ITGA9: variants seen among roughly 807,000 people sequenced by gnomAD.
The protein encoded by ITGA9 is integrin alpha-9.
A neutral mutation model predicts 127.8 loss-of-function variants in ITGA9; 56 were observed. The observed-to-expected ratio is 0.44, with a 90% CI of 0.35 to 0.55. ITGA9 has a LOEUF of 0.55. Ranked by LOEUF, ITGA9 falls within the 20% of genes least tolerant of loss-of-function variation. ITGA9 has a pLI of 0.00. For synonymous variants in ITGA9, 508 were observed against 514.5 expected, an observed-to-expected ratio of 0.99 and a Z score of 0.17; for missense variants, 1,196 against 1,347.1, an observed-to-expected ratio of 0.89 and a Z score of 1.76.
chr3:37,653,687 A>G (rs773280672), intron 16 of ITGA9, 27 bp from the exon 17 acceptor site: 1 of 1,569,406 alleles, frequency 6.4e-7, no homozygotes, highest in African/African-American at 1.4e-5. Flanking sequence ...ATCCTGCCCT[A>G]ACCTTCCTCT....
chr3:37,513,682 C>T (rs1455244031), intron 8 of ITGA9, 81 bp from the exon 9 acceptor site: 37 of 1,540,234 alleles, frequency 2.4e-5, no homozygotes, highest in Non-Finnish European at 3.3e-5. Flanking sequence ...GTTTCTAAAG[C>T]CAATGGGGTG....
At chr3:37,512,972 C>T (rs1698948097) in intron 8 of ITGA9, among the ~76,000 whole-genome samples, 1 of 152,146 alleles carries the variant, frequency 6.6e-6, no homozygotes, top group East Asian at 1.9e-4. Flanking sequence ...TGCTCTGTTC[C>T]CTCATCAGTT....
intron 26 of ITGA9, among the ~76,000 whole-genome samples, chr3:37,797,285 G>A (rs1174273022): frequency 6.6e-6 from 1 of 152,090 alleles, no homozygotes; most frequent in Non-Finnish European, 1.5e-5. Flanking sequence ...TATAGTATAG[G>A]TTGAGGCTAT....
intron 18 of ITGA9, among the ~76,000 whole-genome samples, chr3:37,711,774 G>A (rs186196402): frequency 6.6e-6 from 1 of 152,274 alleles, no homozygotes; most frequent in Non-Finnish European, 1.5e-5. Flanking sequence ...TGTACTTAGG[G>A]TCAATGTTCT....
intron 15 of ITGA9, among the ~76,000 whole-genome samples, chr3:37,549,538 T>TG (rs1158903002): frequency 2.6e-5 from 4 of 152,252 alleles, no homozygotes; most frequent in Admixed American, 6.5e-5. Context: ...TCATTTACAC[T>TG]GGGTTCATCT....
chr3:37,585,801 C>CCT lies in ITGA9; in HGVS notation c.1689+43217_1689+43218insTC, dbSNP rs755263272. ...TCTTAAGCAGGAAGAAGGGGGCCCC[C>CCT]CCAATTTTAATTTACTGAATGAGTT... is the stretch of plus-strand genomic sequence containing the variant. On this transcript the variant is annotated intron_variant, in intron 15 of 27. Transcript: ENST00000264741. Among the ~76,000 whole-genome samples, 40 of 151,956 alleles carry CCT rather than the reference C, an allele frequency of 2.6e-4. No homozygotes were observed. The East Asian group carries it at 3.1e-3, about 12-fold the overall frequency.
chr3:37,497,363 T>C (rs936991167), intron 5 of ITGA9, among the ~76,000 whole-genome samples: 2 of 151,684 alleles, frequency 1.3e-5, no homozygotes, highest in African/African-American at 4.8e-5. Flanking sequence ...TCTAAACTTA[T>C]CTCTTAAGAA....
intron 5 of ITGA9, among the ~76,000 whole-genome samples, chr3:37,497,845 G>A (rs1474758083): frequency 2.0e-5 from 3 of 152,224 alleles, no homozygotes; most frequent in Admixed American, 6.5e-5. Context: ...ACTGGCAGAT[G>A]GCAGTGTTGA....
chr3:37,592,779 T>C (rs1699833297), intron 15 of ITGA9, among the ~76,000 whole-genome samples: 1 of 152,116 alleles, frequency 6.6e-6, no homozygotes, highest in African/African-American at 2.4e-5. Context: ...AACAGGAAGA[T>C]GGACGATGCT....
At chr3:37,554,225 G>T (rs1205606042) in intron 15 of ITGA9, among the ~76,000 whole-genome samples, 2 of 152,124 alleles carry the variant, frequency 1.3e-5, no homozygotes, top group African/African-American at 4.8e-5. Context: ...GCAGGCATGG[G>T]GTTATGGGGG....
At chr3:37,484,266 T>A (rs1474292362) in intron 4 of ITGA9, among the ~76,000 whole-genome samples, 1 of 152,058 alleles carries the variant, frequency 6.6e-6, no homozygotes, top group Non-Finnish European at 1.5e-5. Context: ...AAATTGAAAG[T>A]TTCTGTAGTT....
chr3:37,785,398 A>G (rs1697027822), intron 26 of ITGA9, among the ~76,000 whole-genome samples: 1 of 152,160 alleles, frequency 6.6e-6, no homozygotes, highest in African/African-American at 2.4e-5. Context: ...GACTATTTAT[A>G]TCTTTCTTAG....
intron 23 of ITGA9, among the ~76,000 whole-genome samples, chr3:37,764,604 C>T (rs1273361359): frequency 6.6e-6 from 1 of 152,192 alleles, no homozygotes; most frequent in Non-Finnish European, 1.5e-5. Flanking sequence ...TGTCTTCCAG[C>T]CTCCCTGGAC....
chr3:37,604,360 G>A (rs1342110182), intron 15 of ITGA9, among the ~76,000 whole-genome samples: 2 of 152,200 alleles, frequency 1.3e-5, no homozygotes, highest in African/African-American at 4.8e-5. Flanking sequence ...AATACTTTGT[G>A]TTAAACTCAA....
chr3:37,794,504 T>A (rs916075836), intron 26 of ITGA9, among the ~76,000 whole-genome samples: 1 of 152,178 alleles, frequency 6.6e-6, no homozygotes, highest in African/African-American at 2.4e-5. Context: ...ACTCTTCCCA[T>A]TGTGTCCTGG....
At chr3:37,736,660 G>A (rs546030498) in intron 19 of ITGA9, among the ~76,000 whole-genome samples, 3 of 152,300 alleles carry the variant, frequency 2.0e-5, no homozygotes, top group South Asian at 2.1e-4. Flanking sequence ...GAGTGTAAAC[G>A]CATCACTTCC....
chr3:37,732,793 T>A lies in ITGA9; in HGVS notation c.2149T>A (p.Ser717Thr), dbSNP rs145449301. 22 of 1,609,052 alleles carry A rather than the reference T, an allele frequency of 1.4e-5. No homozygotes were observed. In the African/African-American group the frequency reaches 2.7e-4, roughly 20 times the overall value. Residue 717 changes from serine (S) to threonine (T), a missense_variant, in exon 19 of 28, where the codon TCA becomes ACA. By Grantham distance (58) the Ser-to-Thr change is moderately conservative. Transcript: ENST00000264741. Reference sequence around the variant, plus strand: ...GGGATTTCCTTTCATGAGGTCAAAGTCAAAGGTAAGGGACACAGACGGGAC... The same window carrying A: ...GGGATTTCCTTTCATGAGGTCAAAGACAAAGGTAAGGGACACAGACGGGAC... ...SVGFPFMRSK[S>T]KYEFSVIFDT...
intron 18 of ITGA9, among the ~76,000 whole-genome samples, chr3:37,702,795 G>C (rs1700961997): frequency 6.6e-6 from 1 of 151,876 alleles, no homozygotes; most frequent in African/African-American, 2.4e-5. Flanking sequence ...GTGCCTCCTT[G>C]CCCGGGCATC....
At chr3:37,611,679 T>C (rs1700017792) in intron 15 of ITGA9, among the ~76,000 whole-genome samples, 1 of 152,102 alleles carries the variant, frequency 6.6e-6, no homozygotes, top group South Asian at 2.1e-4. Context: ...GGAAATCTTG[T>C]GGGGTCAGTG....
Sources: allele counts gnomAD v4.1 joint callset (sites outside exome capture counted in the v4.1 genomes callset), GRCh38; gene constraint gnomAD v4.1.1; transcripts MANE v1.5; gene names NCBI Gene and HGNC (gene_info 2026-07-23, HGNC 2026-07-21).